Variants in SCHIP1 observed in about 807,000 individuals in gnomAD.
SCHIP1 encodes the protein schwannomin-interacting protein 1.
SCHIP1 carries 8 observed loss-of-function variants against 29.7 expected under a neutral mutation model. The ratio of observed to expected loss-of-function variants is 0.27; its 90% CI spans 0.16 to 0.49. The LOEUF (loss-of-function observed/expected upper bound fraction) is 0.49, where lower values mean the gene tolerates loss of function less well. SCHIP1 is among the 20% of genes least tolerant of loss of function. SCHIP1 has a pLI of 0.99. For synonymous variants in SCHIP1, 76 were observed against 94.9 expected (o/e 0.80, Z 1.16); for missense variants, 193 against 294.6 (o/e 0.66, Z 2.52).
At chr3:159,371,658 C>A in the SCHIP1 span, among the ~76,000 whole-genome samples, 1 of 152,132 alleles carries the variant, frequency 6.6e-6, no homozygotes, top group Non-Finnish European at 1.5e-5. Flanking sequence ...ACCAAGGATA[C>A]CAAAATTCAC....
At chr3:159,594,116 A>G in the SCHIP1 span, among the ~76,000 whole-genome samples, 1 of 152,366 alleles carries the variant, frequency 6.6e-6, no homozygotes, top group East Asian at 1.9e-4. Context: ...ACAGATGCCC[A>G]GGATGCAGCT....
At chr3:159,657,647 T>C in the SCHIP1 span, among the ~76,000 whole-genome samples, 36 of 152,242 alleles carry the variant, frequency 2.4e-4, no homozygotes, top group African/African-American at 8.2e-4. Flanking sequence ...GCCCTGAACC[T>C]TCCAGGCGTA....
chr3:159,615,633 A>T, the SCHIP1 span, among the ~76,000 whole-genome samples: 1 of 152,290 alleles, frequency 6.6e-6, no homozygotes, highest in East Asian at 1.9e-4. Context: ...CAAACTGCTT[A>T]GCACATGCAG....
At chr3:159,424,732 A>G in the SCHIP1 span, among the ~76,000 whole-genome samples, 13 of 152,208 alleles carry the variant, frequency 8.5e-5, no homozygotes, top group African/African-American at 2.9e-4. Context: ...TCCAAGACAC[A>G]TAATTGTCAG....
the SCHIP1 span, among the ~76,000 whole-genome samples, chr3:159,817,834 G>T: frequency 1.3e-5 from 2 of 152,186 alleles, no homozygotes; most frequent in Non-Finnish European, 2.9e-5. Context: ...GCCTTGGTTT[G>T]AACGGCCTTG....
chr3:159,393,726 A>G, the SCHIP1 span, among the ~76,000 whole-genome samples: 1 of 150,888 alleles, frequency 6.6e-6, no homozygotes. Flanking sequence ...GCCTTGTAGT[A>G]TAGTTTGAAG....
chr3:159,822,214 T>C, the SCHIP1 span, among the ~76,000 whole-genome samples: 1 of 152,128 alleles, frequency 6.6e-6, no homozygotes, highest in Non-Finnish European at 1.5e-5. Flanking sequence ...AGGTGGGATT[T>C]AACCAAGTGA....
At chr3:159,296,458 T>C in the SCHIP1 span, among the ~76,000 whole-genome samples, 2 of 152,168 alleles carry the variant, frequency 1.3e-5, no homozygotes, top group South Asian at 2.1e-4. Flanking sequence ...TTTATATGTA[T>C]GTGTGGTAAG....
At chr3:159,281,711 A>G in the SCHIP1 span, among the ~76,000 whole-genome samples, 1 of 152,178 alleles carries the variant, frequency 6.6e-6, no homozygotes, top group Non-Finnish European at 1.5e-5. Flanking sequence ...CAGTCAACAC[A>G]TTTTGAATGG....
chr3:159,534,164 A>G, the SCHIP1 span, among the ~76,000 whole-genome samples: 3 of 152,164 alleles, frequency 2.0e-5, no homozygotes, highest in Admixed American at 6.5e-5. Context: ...CCTTTTCTAG[A>G]CATCTCTGGA....
the SCHIP1 span, chr3:159,401,170 C>T: frequency 1.0e-6 from 1 of 978,526 alleles, no homozygotes; most frequent in Non-Finnish European, 1.2e-6. Context: ...CTCCTATCTC[C>T]ATACCCAATA....
the SCHIP1 span, among the ~76,000 whole-genome samples, chr3:159,740,759 T>C: frequency 0.021 from 684 of 32,510 alleles, 8 homozygotes; most frequent in African/African-American, 0.11. Flanking sequence ...GAATTGTATA[T>C]TCAAAAAAAA....
the SCHIP1 span, among the ~76,000 whole-genome samples, chr3:159,682,177 C>T: frequency 6.6e-6 from 1 of 152,196 alleles, no homozygotes; most frequent in Non-Finnish European, 1.5e-5. Context: ...ATATCCTCAT[C>T]TTTCCCCCAA....
At chr3:159,535,879 C>A in the SCHIP1 span, among the ~76,000 whole-genome samples, 41 of 152,084 alleles carry the variant, frequency 2.7e-4, no homozygotes, top group Admixed American at 2.7e-3. Flanking sequence ...ATTCTTAGCT[C>A]ATGGGCTATA....
the SCHIP1 span, among the ~76,000 whole-genome samples, chr3:159,383,843 C>T: frequency 2.0e-5 from 3 of 150,896 alleles, no homozygotes; most frequent in Middle Eastern, 3.4e-3. Flanking sequence ...AAGTTGGATT[C>T]CTAGGTATTT....
chr3:159,455,250 T>A, the SCHIP1 span, among the ~76,000 whole-genome samples: 10 of 152,112 alleles, frequency 6.6e-5, no homozygotes, highest in African/African-American at 2.2e-4. Context: ...CACAATATAG[T>A]CAGATGCCAA....
chr3:159,735,662 T>A, the SCHIP1 span, among the ~76,000 whole-genome samples: 1 of 152,224 alleles, frequency 6.6e-6, no homozygotes, highest in Non-Finnish European at 1.5e-5. Flanking sequence ...GCAATGAGTC[T>A]GTGTATGACC....
At chr3:159,503,845 C>G in the SCHIP1 span, among the ~76,000 whole-genome samples, 4 of 152,270 alleles carry the variant, frequency 2.6e-5, no homozygotes, top group African/African-American at 9.6e-5. Flanking sequence ...CTGAGTAACC[C>G]TTAGGTGCCA....
the SCHIP1 span, among the ~76,000 whole-genome samples, chr3:159,412,842 A>G: frequency 0.17 from 25,594 of 152,268 alleles, 2,498 homozygotes; most frequent in South Asian, 0.37. Flanking sequence ...TCCAGGCTGA[A>G]CTAGGATGTC....
Sources: gnomAD v4.1 joint callset for allele counts (sites outside exome capture counted in the v4.1 genomes callset) on GRCh38, gnomAD v4.1.1 for gene constraint, MANE v1.5 for transcripts, NCBI Gene and HGNC (gene_info 2026-07-23, HGNC 2026-07-21) for gene names.